The following GRIN2B variants were observed in gnomAD, a reference collection of about 807,000 sequenced individuals.
The protein encoded by GRIN2B is glutamate ionotropic receptor NMDA type subunit 2B.
A neutral mutation model predicts 114.5 loss-of-function variants in GRIN2B; 5 were observed. The ratio of observed to expected loss-of-function variants is 0.04; its 90% CI spans 0.02 to 0.09. The LOEUF is 0.09. Ranked by LOEUF, GRIN2B falls within the 10% of genes least tolerant of loss-of-function variation. The pLI is 1.00. For missense variants in GRIN2B, 1,108 were observed against 1,943.5 expected, an observed-to-expected ratio of 0.57 and a Z score of 8.08; for synonymous variants, 787 against 745.1, an observed-to-expected ratio of 1.06 and a Z score of -0.92.
chr12:13,959,985 T>C (rs1367329814), intron 2 of GRIN2B, among the ~76,000 whole-genome samples: 1 of 152,114 alleles, frequency 6.6e-6, no homozygotes, highest in Non-Finnish European at 1.5e-5. Context: ...TGATTGAGGC[T>C]TGAGAAAATG....
intron 2 of GRIN2B, among the ~76,000 whole-genome samples, chr12:13,936,576 G>C (rs964307105): frequency 1.3e-5 from 2 of 152,134 alleles, no homozygotes; most frequent in African/African-American, 4.8e-5. Context: ...TATTTAAGCT[G>C]CAAGAATTAA....
Position 13,550,530 on chromosome 12 carries a change from G to C in GRIN2B, c.*12253C>G, listed in dbSNP as rs1221872682. ...ATGTATCTAAGCAACAGGACTGTCTGTTCTCAGTAGAATGACTTCTGCTTC... is the reference window on the plus strand; with the variant it reads ...ATGTATCTAAGCAACAGGACTGTCTCTTCTCAGTAGAATGACTTCTGCTTC... On this transcript the variant is annotated 3_prime_UTR_variant, in exon 14 of 14. Coordinates refer to ENST00000609686, the MANE Select transcript of GRIN2B (RefSeq NM_000834.5). 1 of 152,292 alleles carries C rather than the reference G, an allele frequency of 6.6e-6. No homozygotes were observed. The highest frequency in any genetic ancestry group is 2.1e-4 in the South Asian group (1 of 4,830). The allele number at this position is 152,292 out of a possible 1,614,324, so 9.4% of individuals were successfully genotyped here.
intron 4 of GRIN2B, among the ~76,000 whole-genome samples, chr12:13,728,332 T>C (rs772196198): frequency 6.6e-6 from 1 of 152,156 alleles, no homozygotes; most frequent in Non-Finnish European, 1.5e-5. Flanking sequence ...TATTGAAGGC[T>C]AGAAATTTTT....
intron 3 of GRIN2B, among the ~76,000 whole-genome samples, chr12:13,829,255 T>G (rs753374087): frequency 2.0e-5 from 3 of 152,242 alleles, no homozygotes; most frequent in African/African-American, 7.2e-5. Flanking sequence ...TAATTGTTTA[T>G]TGATGTGTTT....
At chr12:13,847,841 C>T (rs1211343304) in intron 3 of GRIN2B, among the ~76,000 whole-genome samples, 2 of 152,100 alleles carry the variant, frequency 1.3e-5, no homozygotes, top group African/African-American at 4.8e-5. Context: ...TAGGGTTAAG[C>T]CCTCTCTGTA....
intron 5 of GRIN2B, among the ~76,000 whole-genome samples, chr12:13,663,295 G>T (rs1026749601): frequency 6.6e-6 from 1 of 152,016 alleles, no homozygotes; most frequent in Non-Finnish European, 1.5e-5. Flanking sequence ...TTTTTTAATG[G>T]TTATGAGCTA....
intron 3 of GRIN2B, among the ~76,000 whole-genome samples, chr12:13,794,514 C>G (rs148105226): frequency 3.3e-5 from 5 of 152,184 alleles, no homozygotes; most frequent in Admixed American, 6.5e-5. Flanking sequence ...ACCTCCCCCC[C>G]GGACCCGAAA....
At chr12:13,883,606 G>A (rs190407923) in intron 2 of GRIN2B, among the ~76,000 whole-genome samples, 22 of 152,050 alleles carry the variant, frequency 1.4e-4, no homozygotes, top group African/African-American at 4.3e-4. Context: ...TTCTTTAGTA[G>A]TGCTTGTTCA....
At chr12:13,808,753 AT>A (rs1265092340) in intron 3 of GRIN2B, among the ~76,000 whole-genome samples, 1,332 of 62,116 alleles carry the variant, frequency 0.021, 19 homozygotes, top group South Asian at 0.051. Context: ...TAAAAAAAAA[AT>A]ATATATATAT....
rs1281817703 is a variant in GRIN2B, at chr12:13,558,665, C to G, written c.*4118G>C. 6.6e-6 allele frequency: 1 copy of G among 152,190 alleles called. No homozygotes were observed. Among genetic ancestry groups the G allele is most frequent in the Non-Finnish European group, 1.5e-5 (1 of 68,050 alleles). The allele number at this position is 152,190 out of a possible 1,614,324, so 9.4% of individuals were successfully genotyped here. A position where few individuals can be genotyped will look rare whatever the true frequency, so the allele number is the denominator to read the frequency against. ...ACATGCGTTTTTGGCACTACTGACACCAGCAACATTTAATGGAATCATTTG... is the reference window on the plus strand; with the variant it reads ...ACATGCGTTTTTGGCACTACTGACAGCAGCAACATTTAATGGAATCATTTG... On this transcript the variant is annotated 3_prime_UTR_variant, in exon 14 of 14. Coordinates refer to ENST00000609686, the MANE Select transcript of GRIN2B (RefSeq NM_000834.5).
At chr12:13,834,606 G>A (rs1212698422) in intron 3 of GRIN2B, among the ~76,000 whole-genome samples, 1 of 152,144 alleles carries the variant, frequency 6.6e-6, no homozygotes, top group Admixed American at 6.6e-5. Context: ...TGTTTACCTG[G>A]CTAATTGTCT....
intron 10 of GRIN2B, among the ~76,000 whole-genome samples, chr12:13,591,514 G>T (rs1949008846): frequency 6.6e-6 from 1 of 152,160 alleles, no homozygotes; most frequent in Admixed American, 6.5e-5. Flanking sequence ...CATGAGAAGG[G>T]TTTAGGAACC....
At chr12:13,890,166 G>T (rs1402334380) in intron 2 of GRIN2B, among the ~76,000 whole-genome samples, 4 of 152,172 alleles carry the variant, frequency 2.6e-5, no homozygotes, top group Non-Finnish European at 4.4e-5. Context: ...TCAGGACGTT[G>T]TTTCAACACA....
In GRIN2B at chr12:13,709,519, A is replaced by C. The variant is rs1464237345; in HGVS notation, c.1011-33660T>G. ...AGAAATTTTAGAAATGAAACAATATAATGGTTAATATAAAAAATACTTGCT... is the reference window on the plus strand; with the variant it reads ...AGAAATTTTAGAAATGAAACAATATCATGGTTAATATAAAAAATACTTGCT... On this transcript the variant is annotated intron_variant, in intron 4 of 13. Coordinates refer to ENST00000609686, the MANE Select transcript of GRIN2B (RefSeq NM_000834.5). 2.6e-5 allele frequency among the ~76,000 whole-genome samples: 4 copies of C among 152,074 alleles called. No homozygotes were observed. The East Asian group carries it at 7.7e-4, about 29-fold the overall frequency.
chr12:13,963,000 T>C (rs1305904058), intron 2 of GRIN2B, among the ~76,000 whole-genome samples: 1 of 152,176 alleles, frequency 6.6e-6, no homozygotes, highest in Non-Finnish European at 1.5e-5. Context: ...TTTTACCCTG[T>C]TTTTCTCATC....
intron 4 of GRIN2B, among the ~76,000 whole-genome samples, chr12:13,706,649 C>T (rs1341668382): frequency 3.3e-5 from 5 of 152,060 alleles, no homozygotes; most frequent in South Asian, 2.1e-4. Context: ...ACCATCAAAG[C>T]GTTAACCACC....
At chr12:13,903,299 A>C (rs1866485795) in intron 2 of GRIN2B, among the ~76,000 whole-genome samples, 1 of 151,954 alleles carries the variant, frequency 6.6e-6, no homozygotes, top group Non-Finnish European at 1.5e-5. Flanking sequence ...TCTCCTCCTA[A>C]CTTCATGAGA....
chr12:13,801,587 A>G (rs901342663), intron 3 of GRIN2B, among the ~76,000 whole-genome samples: 1 of 152,156 alleles, frequency 6.6e-6, no homozygotes, highest in African/African-American at 2.4e-5. Flanking sequence ...CCTTCTCAAT[A>G]AGAAATACAG....
rs1406498714 is a variant in GRIN2B, at chr12:13,547,944, T to C, written c.*14839A>G. The C allele has an allele frequency of 1.7e-5, 2 of 116,454 alleles. No homozygotes were observed. Among genetic ancestry groups the C allele is most frequent in the African/African-American group, 5.8e-5 (2 of 34,396 alleles). The allele number at this position is 116,454 out of a possible 1,614,324, so 7.2% of individuals were successfully genotyped here. On this transcript the variant is annotated 3_prime_UTR_variant, in exon 14 of 14. Transcript: ENST00000609686. ...AAACAGGGTTATGTATATGTATGTATGTATGTATGTGTGTGTATATATATA... is the reference window on the plus strand; with the variant it reads ...AAACAGGGTTATGTATATGTATGTACGTATGTATGTGTGTGTATATATATA...
Sources: gnomAD v4.1 joint callset for allele counts (sites outside exome capture counted in the v4.1 genomes callset) on GRCh38, gnomAD v4.1.1 for gene constraint, MANE v1.5 for transcripts, NCBI Gene and HGNC (gene_info 2026-07-23, HGNC 2026-07-21) for gene names.